TRPM5: variants seen among roughly 807,000 people sequenced by gnomAD.
TRPM5 encodes transient receptor potential cation channel subfamily M member 5.
Under a neutral mutation model 124.9 loss-of-function variants are expected in TRPM5, and 121 were observed. That is an observed-to-expected ratio of 0.97 (90% CI 0.84 to 1.13). TRPM5 has a LOEUF of 1.13. Among genes scored for constraint, TRPM5 ranks in the 50% most tolerant of loss-of-function variants. TRPM5 has a pLI of 0.00. For missense variants in TRPM5, 1,643 were observed against 1,589.1 expected, an observed-to-expected ratio of 1.03 and a Z score of -0.58; for synonymous variants, 781 against 700.5, an observed-to-expected ratio of 1.11 and a Z score of -1.81.
At chr11:2,436,656 C>T in the TRPM5 span, among the ~76,000 whole-genome samples, 1,809 of 152,302 alleles carry the variant, frequency 0.012, 37 homozygotes, top group African/African-American at 0.042. Flanking sequence ...CGGCCAGTGA[C>T]GGGAGGGTCA....
At chr11:2,429,272 GTGA>G in the TRPM5 span, among the ~76,000 whole-genome samples, 4 of 151,068 alleles carry the variant, frequency 2.6e-5, no homozygotes, top group South Asian at 4.2e-4. The surrounding 1 kb of genome is among the most constrained non-coding windows in gnomAD (Gnocchi z 8.4). Context: ...CATGGTGATG[GTGA>G]TGATGATAGT....
intron 7 of TRPM5, among the ~76,000 whole-genome samples, chr11:2,416,706 C>T (rs1244093112): frequency 6.6e-6 from 1 of 152,210 alleles, no homozygotes; most frequent in African/African-American, 2.4e-5. Context: ...CTTCCCAGAG[C>T]GTCCCCTCAA....
At chr11:2,412,185 G>C in exon 16 of TRPM5, 1 of 1,613,614 alleles carries the variant, frequency 6.2e-7, no homozygotes, top group African/African-American at 1.3e-5. Flanking sequence ...TGTCACACTT[G>C]TTCCAGTTGT....
intron 6 of TRPM5, 63 bp from the exon 12 acceptor site, chr11:2,417,892 G>T: frequency 6.9e-7 from 1 of 1,442,562 alleles, no homozygotes; most frequent in Non-Finnish European, 9.5e-7. Flanking sequence ...GAGGCAGGCC[G>T]TGGTAGACAC....
intron 8 of TRPM5, 140 bp from the exon 14 acceptor site, chr11:2,415,611 G>C (rs868723446): frequency 4.5e-6 from 3 of 673,574 alleles, no homozygotes; most frequent in Middle Eastern, 3.8e-4. Flanking sequence ...TCGCTCTCCT[G>C]CACCCCAGCC....
exon 15 of TRPM5, chr11:2,412,837 T>C (rs747944208): frequency 6.2e-7 from 1 of 1,603,028 alleles, no homozygotes; most frequent in South Asian, 1.1e-5. Flanking sequence ...GGGGGCGGCC[T>C]GAAGTCCACC....
chr11:2,406,234 G>C, intron 21 of TRPM5, 143 bp from the exon 27 acceptor site: 1 of 831,406 alleles, frequency 1.2e-6, no homozygotes, highest in Admixed American at 2.0e-5. Context: ...GCCCAGATCT[G>C]GTGGCACCAG....
At chr11:2,422,050 G>T in intron 2 of TRPM5, 91 bp downstream of exon 7, 3 of 1,415,152 alleles carry the variant, frequency 2.1e-6, no homozygotes, top group Non-Finnish European at 2.8e-6. Flanking sequence ...CTGTGGGGTG[G>T]GAGCACTGCC....
chr11:2,407,284 C>A (rs1765190204), exon 20 of TRPM5: 3 of 1,610,788 alleles, frequency 1.9e-6, no homozygotes, highest in Non-Finnish European at 2.5e-6. Flanking sequence ...TTGCCCTGCA[C>A]CACCTGGAAC....
At position 2,422,129 on chromosome 11, in the gene TRPM5, G is replaced by T; in HGVS notation, c.298+12C>A. The T allele has an allele frequency of 6.3e-7, 1 of 1,582,290 alleles. No individual in the cohort carries two copies. On this transcript the variant is annotated intron_variant, in intron 2 of 23. Transcript: ENST00000155858. ...GGGGTGGGAGCGCTGCCTGTGCCGG[G>T]TGGGGCCTCACCTGTGCTCTGAGCC...
intron 3 of TRPM5, among the ~76,000 whole-genome samples, chr11:2,420,683 C>T (rs760178490): frequency 1.3e-4 from 20 of 152,192 alleles, no homozygotes; most frequent in Non-Finnish European, 2.2e-4. Flanking sequence ...ACCTCCTTCC[C>T]GACTCTAGGG....
At chr11:2,411,900 TTTTG>T (rs1565008897) in intron 16 of TRPM5, 133 bp from the exon 22 acceptor site, 3 of 1,137,672 alleles carry the variant, frequency 2.6e-6, no homozygotes, top group Admixed American at 2.5e-5. Context: ...TGGCTTCATC[TTTTG>T]TTTATTTATT....
At chr11:2,404,632 G>C in exon 24 of TRPM5, 1 of 369,670 alleles carries the variant, frequency 2.7e-6, no homozygotes, top group South Asian at 4.7e-5. Flanking sequence ...CACAGGGCCA[G>C]CTTTTCCACA....
At chr11:2,414,263 G>C (rs1202030424) in intron 11 of TRPM5, 57 bp from the exon 17 acceptor site, 1 of 1,552,264 alleles carries the variant, frequency 6.4e-7, no homozygotes, top group African/African-American at 1.4e-5. Context: ...CCCGGCCCCC[G>C]ACGCCCCTCC....
rs1240431644 is a variant in TRPM5 at position 2,405,040 on chromosome 11, G to A, written c.3395C>T (p.Ser1132Phe). The A allele has an allele frequency of 4.3e-6, 7 of 1,612,012 alleles. No homozygotes were observed. In the East Asian group the frequency reaches 8.9e-5, roughly 21 times the overall value. ...CTGGCTTCCCTCGCCACAGTGCTGA[G>A]AGCCTGCTGGGAAGGAAGGCCCCCC... The change falls in exon 24 of 24, where the codon TCT becomes TTT. Residue 1132 changes from serine (S) to phenylalanine (F), a missense_variant. Ser to Phe is a radical substitution (Grantham distance 155, BLOSUM62 -2). Transcript: ENST00000155858.
Position 2,414,225 on chromosome 11 carries a change from G to T in TRPM5, c.1745-19C>A. 6.2e-7 allele frequency: 1 copy of T among 1,602,802 alleles called. No homozygotes were observed. The highest frequency in any genetic ancestry group is 8.5e-7 in the Non-Finnish European group (1 of 1,175,180). On this transcript the variant is annotated intron_variant, in intron 11 of 23. Transcript: ENST00000155858. Reference sequence around the variant, plus strand: ...AAGAGGTCTGCCCCCGGAGGCCCTGGCCGCTAGGACGAGACGCCGATGCCC... The same window carrying T: ...AAGAGGTCTGCCCCCGGAGGCCCTGTCCGCTAGGACGAGACGCCGATGCCC...
chr11:2,410,356 G>A lies in TRPM5; in HGVS notation c.2782+996C>T, dbSNP rs550893032. 6.5e-4 allele frequency among the ~76,000 whole-genome samples: 99 copies of A among 152,300 alleles called. 1 individual carries two copies. Among genetic ancestry groups the A allele is most frequent in the African/African-American group, 2.2e-3 (93 of 41,554 alleles). On this transcript the variant is annotated intron_variant, in intron 18 of 23. Coordinates refer to ENST00000155858, the Ensembl canonical transcript of TRPM5. ...TGAGCGCCACTCCACAGAGGTCGGG[G>A]TCAGGCCTGGGCAGCACGTTGTGCC... is the stretch of plus-strand genomic sequence containing the variant.
intron 18 of TRPM5, among the ~76,000 whole-genome samples, chr11:2,408,742 C>T (rs970199140): frequency 6.6e-6 from 1 of 152,218 alleles, no homozygotes; most frequent in Non-Finnish European, 1.5e-5. Flanking sequence ...CCGCAGTGGG[C>T]GTCAGGGTGC....
the TRPM5 span, among the ~76,000 whole-genome samples, chr11:2,434,160 G>A: frequency 6.6e-6 from 1 of 151,664 alleles, no homozygotes; most frequent in Non-Finnish European, 1.5e-5. Flanking sequence ...GTGTGTGTAG[G>A]TGTACCATGT....
Sources: allele counts gnomAD v4.1 joint callset (sites outside exome capture counted in the v4.1 genomes callset), GRCh38; gene constraint gnomAD v4.1.1; non-coding constraint Gnocchi (gnomAD v3.1); transcripts MANE v1.5; gene names NCBI Gene and HGNC (gene_info 2026-07-23, HGNC 2026-07-21).